LAMA3: variants seen among roughly 807,000 people sequenced by gnomAD.
LAMA3 encodes the protein laminin subunit alpha-3.
In LAMA3, 281 loss-of-function variants were observed where a neutral mutation model predicts 402.0. The ratio of observed to expected loss-of-function variants is 0.70; its 90% confidence interval spans 0.63 to 0.77. The LOEUF (loss-of-function observed/expected upper bound fraction) is 0.77. LAMA3 is among the 30% of genes least tolerant of loss of function. The pLI is 0.00. For synonymous variants in LAMA3, 1,431 were observed against 1,558.4 expected (o/e 0.92, Z 1.93); for missense variants, 3,840 against 4,215.5 (o/e 0.91, Z 2.47).
At chr18:23,952,040 C>A (rs1342831274) in intron 73 of LAMA3, among the ~76,000 whole-genome samples, 1 of 152,166 alleles carries the variant, frequency 6.6e-6, no homozygotes, top group East Asian at 1.9e-4. Context: ...CACTAATAAG[C>A]TAGGCTAGTT....
At chr18:23,834,274 T>A (rs1261110381) in intron 24 of LAMA3, 1 of 406,622 alleles carries the variant, frequency 2.5e-6, no homozygotes, top group Non-Finnish European at 4.7e-6. Flanking sequence ...TTTGATTCTC[T>A]ATCACTCAGG....
chr18:23,931,218 T>G lies in LAMA3; in HGVS notation c.8576+17T>G, dbSNP rs1449540037. ...CAACTCTGGGTGAGTGGAATAATAC[T>G]TCTGTCAGAGCTGTGAGTGAGTTTT... On this transcript the variant is annotated intron_variant, in intron 65 of 74. Coordinates refer to ENST00000313654, the MANE Select transcript of LAMA3 (RefSeq NM_198129.4). The G allele has an allele frequency of 1.9e-6, 3 of 1,606,848 alleles. No individual in the cohort carries two copies. In the Admixed American group the frequency reaches 5.0e-5, roughly 27 times the overall value.
rs553607594 is a variant in LAMA3, at chr18:23,879,404, C to A, written c.5113-2532C>A. On this transcript the variant is annotated intron_variant, in intron 39 of 74. Transcript: ENST00000313654. The surrounding 1 kb of genome is among the most constrained non-coding windows in gnomAD (Gnocchi z 4.2). The stretch of plus-strand genomic sequence containing the variant: ...CTTCTGCGCTCAGTGAATCCCTGTC[C>A]TTCTGCGGCCCTCGCAGGCAGCCCC... 2.0e-4 allele frequency among the ~76,000 whole-genome samples: 31 copies of A among 152,334 alleles called. No individual in the cohort carries two copies. The highest frequency in any genetic ancestry group is 6.7e-4 in the African/African-American group (28 of 41,584).
chr18:23,787,326 A>G (rs1477700718), intron 12 of LAMA3, among the ~76,000 whole-genome samples: 1 of 152,158 alleles, frequency 6.6e-6, no homozygotes, highest in African/African-American at 2.4e-5. Flanking sequence ...AATATGGGAT[A>G]CCATTAAGCA....
intron 2 of LAMA3, among the ~76,000 whole-genome samples, chr18:23,737,990 G>C (rs567893838): frequency 1.3e-5 from 2 of 152,306 alleles, no homozygotes; most frequent in East Asian, 3.9e-4. Flanking sequence ...AGCTGGGGTG[G>C]AAGTGCCGTG....
chr18:23,920,805 A>T, intron 60 of LAMA3, 130 bp from the exon 61 acceptor site: 1 of 1,070,128 alleles, frequency 9.3e-7, no homozygotes, highest in South Asian at 1.3e-5. Context: ...TTGCAGCACC[A>T]TTATCCCTTT....
intron 19 of LAMA3, among the ~76,000 whole-genome samples, chr18:23,821,876 T>G (rs551366588): frequency 1.3e-5 from 2 of 152,194 alleles, no homozygotes; most frequent in Non-Finnish European, 2.9e-5. Context: ...CCCTCTCCTT[T>G]CCTTCTCTTC....
chr18:23,938,971 C>T (rs145465999), intron 67 of LAMA3, among the ~76,000 whole-genome samples: 11 of 152,152 alleles, frequency 7.2e-5, no homozygotes, highest in East Asian at 5.8e-4. Flanking sequence ...AAGGGGATTA[C>T]GAGGATCTGG....
Position 23,939,293 on chromosome 18 carries a change from C to T in LAMA3, c.8933C>T (p.Pro2978Leu), listed in dbSNP as rs774461684. Residue 2978 changes from proline (P) to leucine (L), a missense_variant, in exon 68 of 75, where the codon CCC becomes CTC. This residue lies in a region of LAMA3 where 840 missense variants were observed against 981.9 expected (regional missense o/e 0.86). Coordinates refer to ENST00000313654, the MANE Select transcript of LAMA3 (RefSeq NM_198129.4). ...TGGCAAGATGCTTGCTCACCACTTC[C>T]CAAGACCCAGGCCAATCATGGAGCC... ...KVWQDACSPL[P>L]KTQANHGALQ... 6.2e-7 allele frequency: 1 copy of T among 1,614,176 alleles called. No homozygotes were observed. The highest frequency in any genetic ancestry group is 1.1e-5 in the South Asian group (1 of 91,076).
intron 11 of LAMA3, among the ~76,000 whole-genome samples, chr18:23,783,663 G>A (rs2062481221): frequency 6.6e-6 from 1 of 152,136 alleles, no homozygotes; most frequent in Admixed American, 6.5e-5. Flanking sequence ...TCTAAAAACT[G>A]GAAGGAAGAA....
chr18:23,829,688 T>C (rs963092697), intron 23 of LAMA3, among the ~76,000 whole-genome samples: 1 of 152,208 alleles, frequency 6.6e-6, no homozygotes, highest in Non-Finnish European at 1.5e-5. Flanking sequence ...ATATATAACA[T>C]AGTGGTGAAG....
chr18:23,733,682 C>T lies in LAMA3; in HGVS notation c.448-14261C>T, dbSNP rs113747022. ...AGAAGATAAATCGGAGTTTATTGGGCCCTTTTCATAGGGTGACCAGTTATC... is the reference window on the plus strand; with the variant it reads ...AGAAGATAAATCGGAGTTTATTGGGTCCTTTTCATAGGGTGACCAGTTATC... On this transcript the variant is annotated intron_variant, in intron 2 of 74. Transcript: ENST00000313654. 2.6e-3 allele frequency among the ~76,000 whole-genome samples: 394 copies of T among 152,202 alleles called. 1 individual carries two copies. The highest frequency in any genetic ancestry group is 9.2e-3 in the African/African-American group (383 of 41,518).
chr18:23,782,369 A>G (rs985350888), intron 11 of LAMA3, among the ~76,000 whole-genome samples: 1 of 152,168 alleles, frequency 6.6e-6, no homozygotes, highest in Non-Finnish European at 1.5e-5. Flanking sequence ...CAGCCTGGCC[A>G]ACATGGTGAA....
At chr18:23,920,499 G>A (rs112336944) in intron 60 of LAMA3, among the ~76,000 whole-genome samples, 1 of 152,060 alleles carries the variant, frequency 6.6e-6, no homozygotes, top group African/African-American at 2.4e-5. Flanking sequence ...AAGGTAGAAG[G>A]GGATAAACCA....
intron 42 of LAMA3, 131 bp downstream of exon 42, chr18:23,890,248 A>ATAAT: frequency 1.4e-6 from 1 of 707,536 alleles, no homozygotes; most frequent in Non-Finnish European, 2.6e-6. Context: ...CCCAGGATGC[A>ATAAT]TAATACACAA....
intron 2 of LAMA3, among the ~76,000 whole-genome samples, chr18:23,721,434 A>G (rs1056440622): frequency 6.6e-6 from 1 of 152,120 alleles, no homozygotes; most frequent in Non-Finnish European, 1.5e-5. Flanking sequence ...AACCAGCCCG[A>G]ATGAGGAAAG....
intron 12 of LAMA3, among the ~76,000 whole-genome samples, chr18:23,788,086 C>A (rs1016498468): frequency 1.3e-5 from 2 of 151,686 alleles, no homozygotes; most frequent in Non-Finnish European, 2.9e-5. Context: ...GAAAATGACA[C>A]CAAATCTATA....
At chr18:23,811,150 A>T (rs2063061421) in intron 13 of LAMA3, among the ~76,000 whole-genome samples, 1 of 152,058 alleles carries the variant, frequency 6.6e-6, no homozygotes, top group African/African-American at 2.4e-5. Context: ...CCCTCTGTTG[A>T]TATGAGAGAT....
Position 23,914,493 on chromosome 18 carries a change from C to G in LAMA3, c.7413C>G (p.Leu2471=). 1 of 1,614,070 alleles carries G rather than the reference C, an allele frequency of 6.2e-7. No individual in the cohort carries two copies. The highest frequency in any genetic ancestry group is 2.2e-5 in the East Asian group (1 of 44,876). ...VYNLGDREAE[L]QVDQILTKSE... is the part of the protein sequence containing the mutation. ...ACCTGGGGGACCGTGAGGCTGAACT[C>G]CAAGTGGACCAGATCTTGACCAAGA... Residue 2471 remains leucine (L), a synonymous_variant, in exon 57 of 75, where the codon CTC becomes CTG. Transcript: ENST00000313654.
Sources: gnomAD v4.1 joint callset for allele counts (sites outside exome capture counted in the v4.1 genomes callset) on GRCh38, gnomAD v4.1.1 for gene constraint, gnomAD v4.1.1 regional missense constraint, Gnocchi (gnomAD v3.1) non-coding constraint, MANE v1.5 for transcripts, NCBI Gene and HGNC (gene_info 2026-07-23, HGNC 2026-07-21) for gene names.